RAB3C: variants seen among roughly 807,000 people sequenced by gnomAD.
RAB3C encodes RAB3C, member RAS oncogene family.
Under a neutral mutation model 26.4 loss-of-function variants are expected in RAB3C, and 17 were observed. That is an observed-to-expected ratio of 0.64 (90% CI 0.44 to 0.97). The LOEUF is 0.97. Among genes scored for constraint, RAB3C ranks in the 50% least tolerant of loss-of-function variants. RAB3C has a pLI of 0.00. For synonymous variants in RAB3C, 91 were observed against 95.9 expected (o/e 0.95, Z 0.30); for missense variants, 242 against 281.9 (o/e 0.86, Z 1.01).
chr5:58,845,612 A>ATATATGTGTGTGTGTGTGTG, intron 4 of RAB3C, among the ~76,000 whole-genome samples: 2 of 81,716 alleles, frequency 2.4e-5, no homozygotes, highest in Non-Finnish European at 4.8e-5. Flanking sequence ...ATATATATAT[A>ATATATGTGTGTGTGTGTGTG]TGTGTGTGTG....
Position 58,617,681 on chromosome 5 carries a change from C to A in RAB3C, c.63C>A (p.Asp21Glu). 6.2e-7 allele frequency: 1 copy of A among 1,613,870 alleles called. No individual in the cohort carries two copies. Among genetic ancestry groups the A allele is most frequent in the Admixed American group, 1.7e-5 (1 of 59,974 alleles). The change falls in exon 2 of 5, where the codon GAC (aspartate) becomes GAA (glutamate). Residue 21 changes from aspartate to glutamate, a missense_variant. Coordinates refer to ENST00000282878, the MANE Select transcript of RAB3C (RefSeq NM_138453.4). ...AAGATGCCAGGTACGGCCAGAAAGA[C>A]TCCTCTGATCAGAACTTTGACTACA... The part of the protein sequence containing the change: ...SAQDARYGQK[D>E]SSDQNFDYMF...
At chr5:58,823,755 C>T (rs1199994731) in intron 3 of RAB3C, 1 of 153,828 alleles carries the variant, frequency 6.5e-6, no homozygotes, top group East Asian at 1.9e-4. Flanking sequence ...AAACAATAAA[C>T]TTTTTTTATT....
chr5:58,831,151 G>A (rs1345430408), intron 4 of RAB3C, among the ~76,000 whole-genome samples: 1 of 152,100 alleles, frequency 6.6e-6, no homozygotes, highest in East Asian at 1.9e-4. Flanking sequence ...CCATGACTGG[G>A]GTTACAGTCA....
intron 3 of RAB3C, among the ~76,000 whole-genome samples, chr5:58,750,141 T>G (rs564592237): frequency 6.6e-6 from 1 of 152,346 alleles, no homozygotes; most frequent in East Asian, 1.9e-4. Flanking sequence ...TTATAATATA[T>G]TTTGCTATAT....
At chr5:58,766,597 G>A (rs1487267558) in intron 3 of RAB3C, among the ~76,000 whole-genome samples, 2 of 152,150 alleles carry the variant, frequency 1.3e-5, no homozygotes, top group Non-Finnish European at 2.9e-5. Flanking sequence ...AAATGAGGAG[G>A]TGAAATCACC....
chr5:58,847,574 G>A (rs934466526), intron 4 of RAB3C, among the ~76,000 whole-genome samples: 1 of 152,134 alleles, frequency 6.6e-6, no homozygotes, highest in Non-Finnish European at 1.5e-5. Flanking sequence ...TGCATTAGTG[G>A]TTATAACTTA....
chr5:58,640,290 A>T (rs1747387554), intron 2 of RAB3C, among the ~76,000 whole-genome samples: 1 of 152,158 alleles, frequency 6.6e-6, no homozygotes, highest in Non-Finnish European at 1.5e-5. Context: ...TTCATGACCT[A>T]TATCTCTGCC....
intron 2 of RAB3C, among the ~76,000 whole-genome samples, chr5:58,664,257 G>C (rs1380916615): frequency 6.6e-6 from 1 of 152,028 alleles, no homozygotes; most frequent in East Asian, 1.9e-4. Flanking sequence ...AAACAAATGT[G>C]GCAAATCCAT....
intron 2 of RAB3C, chr5:58,644,255 G>T (rs554185901): frequency 1.3e-5 from 2 of 152,286 alleles, no homozygotes; most frequent in East Asian, 1.9e-4. Context: ...TTAAGAATAT[G>T]GATTCTACGA....
At chr5:58,751,615 A>G (rs1035406462) in intron 3 of RAB3C, among the ~76,000 whole-genome samples, 1 of 152,232 alleles carries the variant, frequency 6.6e-6, no homozygotes, top group African/African-American at 2.4e-5. Context: ...TGTGATTTCT[A>G]TTGTCATATG....
At chr5:58,593,377 C>CACTT (rs1746178691) in intron 1 of RAB3C, among the ~76,000 whole-genome samples, 1 of 151,994 alleles carries the variant, frequency 6.6e-6, no homozygotes, top group African/African-American at 2.4e-5. Flanking sequence ...TAAGGAAGCA[C>CACTT]AGTAATTAAC....
Position 58,851,752 on chromosome 5 carries a change from G to GTT in RAB3C, c.*402_*403insTT, listed in dbSNP as rs112109945. 0.026 allele frequency: 4,126 copies of GTT among 157,988 alleles called. 201 individuals are homozygous for GTT. The highest frequency in any genetic ancestry group is 0.094 in the African/African-American group (3,930 of 41,596). The allele number at this position is 157,988 out of a possible 1,614,324, so 9.8% of individuals were successfully genotyped here. ...CAAGGAATTGCTTGTGTGTGTGTGT[G>GTT]TGTGTGTGTGTGTGCACGCATGCCC... is the stretch of plus-strand genomic sequence containing the variant. On this transcript the variant is annotated 3_prime_UTR_variant, in exon 5 of 5. Transcript: ENST00000282878.
chr5:58,829,136 C>T (rs1471711609), intron 4 of RAB3C, among the ~76,000 whole-genome samples: 1 of 151,984 alleles, frequency 6.6e-6, no homozygotes. Context: ...ATCTCCTAAC[C>T]CCATGATCTG....
chr5:58,637,836 T>C (rs1747322081), intron 2 of RAB3C, among the ~76,000 whole-genome samples: 1 of 152,164 alleles, frequency 6.6e-6, no homozygotes, highest in Non-Finnish European at 1.5e-5. Flanking sequence ...TCCCTATATA[T>C]ATGTTCCATA....
chr5:58,691,997 A>G (rs1233249448), intron 2 of RAB3C, among the ~76,000 whole-genome samples: 3 of 152,196 alleles, frequency 2.0e-5, no homozygotes, highest in Non-Finnish European at 4.4e-5. Flanking sequence ...AGCTAAAGCA[A>G]TAAAGTGACG....
intron 1 of RAB3C, among the ~76,000 whole-genome samples, chr5:58,587,547 T>C (rs1042238084): frequency 1.3e-5 from 2 of 152,206 alleles, no homozygotes; most frequent in African/African-American, 4.8e-5. Context: ...TTTAGCATTT[T>C]TCGTTCATTA....
chr5:58,801,252 G>A (rs1047172189), intron 3 of RAB3C, among the ~76,000 whole-genome samples: 1 of 152,190 alleles, frequency 6.6e-6, no homozygotes, highest in Non-Finnish European at 1.5e-5. Flanking sequence ...AGGGTTCCAA[G>A]GATTACCTCT....
At chr5:58,643,340 A>G (rs1344030597) in intron 2 of RAB3C, among the ~76,000 whole-genome samples, 3 of 152,222 alleles carry the variant, frequency 2.0e-5, no homozygotes, top group Admixed American at 2.0e-4. Flanking sequence ...ATCCTTTTTC[A>G]GTGAATTTAG....
At chr5:58,711,688 A>G (rs1749065066) in intron 2 of RAB3C, among the ~76,000 whole-genome samples, 1 of 152,216 alleles carries the variant, frequency 6.6e-6, no homozygotes, top group African/African-American at 2.4e-5. Flanking sequence ...TTAGCTAGAA[A>G]GCAAGAACTC....
Sources: gnomAD v4.1 joint callset for allele counts (sites outside exome capture counted in the v4.1 genomes callset) on GRCh38, gnomAD v4.1.1 for gene constraint, MANE v1.5 for transcripts, NCBI Gene and HGNC (gene_info 2026-07-23, HGNC 2026-07-21) for gene names.